Variants in DOT1L observed in about 807,000 individuals in gnomAD.
The protein encoded by DOT1L is DOT1 like histone lysine methyltransferase, also known as histone-lysine N-methyltransferase, H3 lysine-79 specific.
A neutral mutation model predicts 153.3 loss-of-function variants in DOT1L; 33 were observed. That is an observed-to-expected ratio of 0.22 (90% CI 0.16 to 0.29). The LOEUF (loss-of-function observed/expected upper bound fraction) is 0.29. Ranked by LOEUF, DOT1L falls within the 10% of genes least tolerant of loss-of-function variation. The pLI is 1.00. For synonymous variants in DOT1L, 1,135 were observed against 965.1 expected, an observed-to-expected ratio of 1.18 and a Z score of -3.26; for missense variants, 1,847 against 2,119.9, an observed-to-expected ratio of 0.87 and a Z score of 2.53.
chr19:2,197,436 C>A lies in DOT1L; in HGVS notation c.652-2448C>A, dbSNP rs375348302. On this transcript the variant is annotated intron_variant, in intron 7 of 27. Coordinates refer to ENST00000398665, the MANE Select transcript of DOT1L (RefSeq NM_032482.3). The surrounding 1 kb of genome is among the most constrained non-coding windows in gnomAD (Gnocchi z 4.1). ...AGGAGGGCGCCATGGTGCCTTCCTCCGCGCGGTCTGGCTGGGCTGAGCCTT... is the reference window on the plus strand; with the variant it reads ...AGGAGGGCGCCATGGTGCCTTCCTCAGCGCGGTCTGGCTGGGCTGAGCCTT... Among the ~76,000 whole-genome samples, 1 of 152,202 alleles carries A rather than the reference C, an allele frequency of 6.6e-6. No homozygotes were observed. The highest frequency in any genetic ancestry group is 1.9e-4 in the East Asian group (1 of 5,198).
rs773019943 is a variant in DOT1L at position 2,226,444 on chromosome 19, C to G, written c.3923C>G (p.Pro1308Arg). The G allele has an allele frequency of 8.2e-5, 132 of 1,601,524 alleles. No homozygotes were observed. The highest frequency in any genetic ancestry group is 1.1e-4 in the Non-Finnish European group (124 of 1,179,236). Residue 1308 changes from proline to arginine, a missense_variant, in exon 27 of 28, where the codon CCG becomes CGG. By Grantham distance (103) the Pro-to-Arg change is moderately radical. This residue lies in a region of DOT1L where 934 missense variants were observed against 825.3 expected (regional missense o/e 1.13). Coordinates refer to ENST00000398665, the MANE Select transcript of DOT1L (RefSeq NM_032482.3). ...CTGTCGGGGGCTGACGGACTCAGCC[C>G]GGGCACCAACCCTGCCAACGGCTGC... The part of the protein sequence containing the change: ...GSLSGADGLS[P>R]GTNPANGCTF...
chr19:2,195,639 A>G (rs985917944), intron 7 of DOT1L, among the ~76,000 whole-genome samples: 4 of 152,008 alleles, frequency 2.6e-5, no homozygotes, highest in Admixed American at 6.6e-5. Flanking sequence ...TTGAGTCCTG[A>G]GAAGCTTCCC....
chr19:2,209,039 A>C, intron 12 of DOT1L, 63 bp downstream of exon 12: 1 of 1,573,326 alleles, frequency 6.4e-7, no homozygotes, highest in Non-Finnish European at 8.7e-7. Flanking sequence ...GGGAAATGCA[A>C]AGCCGTGCGC....
At position 2,191,663 on chromosome 19, in the gene DOT1L, T is replaced by C. The variant is rs1193269961; in HGVS notation, c.493+423T>C. On this transcript the variant is annotated intron_variant, in intron 5 of 27. Transcript: ENST00000398665. The surrounding 1 kb of genome is among the most constrained non-coding windows in gnomAD (Gnocchi z 6.8). ...GCACACCTGCTCCCTCCACAGCGGC[T>C]GGAAAGGTCCCCCGCGGAGGAAGAC... is the stretch of plus-strand genomic sequence containing the variant. Among the ~76,000 whole-genome samples, 2 of 152,218 alleles carry C rather than the reference T, an allele frequency of 1.3e-5. No individual in the cohort carries two copies. Among genetic ancestry groups the C allele is most frequent in the African/African-American group, 4.8e-5 (2 of 41,548 alleles).
intron 1 of DOT1L, among the ~76,000 whole-genome samples, chr19:2,165,205 C>G (rs1387932369): frequency 6.6e-6 from 1 of 152,296 alleles, no homozygotes; most frequent in East Asian, 1.9e-4. Context: ...GCGCTGTCAG[C>G]GAGCGTGTCC....
At position 2,229,906 on chromosome 19, in the gene DOT1L, C is replaced by G; in HGVS notation, c.*114C>G. 1 of 1,586,528 alleles carries G rather than the reference C, an allele frequency of 6.3e-7. No homozygotes were observed. Among genetic ancestry groups the G allele is most frequent in the Non-Finnish European group, 8.6e-7 (1 of 1,161,546 alleles). On this transcript the variant is annotated 3_prime_UTR_variant, in exon 28 of 28. Coordinates refer to ENST00000398665, the MANE Select transcript of DOT1L (RefSeq NM_032482.3). ...CACCCCTGGACGGCAGAGGCAAGGA[C>G]GGACGGGAGCTCCACTGTGAATCGG...
chr19:2,184,289 C>T (rs897077588), intron 2 of DOT1L, among the ~76,000 whole-genome samples: 1 of 152,066 alleles, frequency 6.6e-6, no homozygotes, highest in Non-Finnish European at 1.5e-5. Context: ...GGTGTGCAGG[C>T]GTTGACCATG....
intron 2 of DOT1L, among the ~76,000 whole-genome samples, chr19:2,182,831 C>T (rs1420803565): frequency 1.3e-5 from 2 of 152,196 alleles, no homozygotes; most frequent in Admixed American, 6.5e-5. Flanking sequence ...TGCTCGCCTT[C>T]TGCAGGGCTC....
At chr19:2,205,433 C>T (rs2023454505) in intron 9 of DOT1L, among the ~76,000 whole-genome samples, 1 of 152,172 alleles carries the variant, frequency 6.6e-6, no homozygotes, top group African/African-American at 2.4e-5. Flanking sequence ...TAGCAGCAGC[C>T]TTGCAGGTGC....
chr19:2,183,721 G>A (rs889314859), intron 2 of DOT1L, among the ~76,000 whole-genome samples: 22 of 151,856 alleles, frequency 1.4e-4, no homozygotes, highest in Admixed American at 1.4e-3. Context: ...CCGTCTCCGG[G>A]GTTCAAGTGA....
intron 14 of DOT1L, 58 bp from the exon 15 acceptor site, chr19:2,211,041 C>T (rs1034631959): frequency 2.2e-4 from 344 of 1,548,042 alleles, no homozygotes; most frequent in Non-Finnish European, 2.9e-4. Context: ...ATGCTGACGC[C>T]TCTGCCCACC....
At chr19:2,221,906 G>A (rs1001766941) in intron 23 of DOT1L, 70 bp from the exon 24 acceptor site, 2 of 1,442,978 alleles carry the variant, frequency 1.4e-6, no homozygotes, top group Non-Finnish European at 1.9e-6. Context: ...CTAGGGGGTG[G>A]TGCTCCCACA....
chr19:2,191,718 G>A lies in DOT1L; in HGVS notation c.493+478G>A, dbSNP rs765417024. ...GGTCCCTGGGCTCCCGGAGGCCCTC[G>A]CGCCCTCCCTGCATCCCCAGTCTCC... On this transcript the variant is annotated intron_variant, in intron 5 of 27. Transcript: ENST00000398665. The surrounding 1 kb of genome is among the most constrained non-coding windows in gnomAD (Gnocchi z 6.8). Among the ~76,000 whole-genome samples, 3 of 151,762 alleles carry A rather than the reference G, an allele frequency of 2.0e-5. No individual in the cohort carries two copies. The highest frequency in any genetic ancestry group is 3.9e-4 in the East Asian group (2 of 5,132).
rs563972624 is a variant in DOT1L, at chr19:2,210,839, G to A, written c.1335G>A (p.Ala445=). 94 of 1,612,532 alleles carry A rather than the reference G, an allele frequency of 5.8e-5. No individual in the cohort carries two copies. Among genetic ancestry groups the A allele is most frequent in the South Asian group, 1.9e-4 (17 of 91,068 alleles). ...ACGCTCAGACCGTGTCTCAGACGGC[G>A]GCCTCCTCACCCCAGGGTGAGCCGC... ...ALHAQTVSQT[A]ASSPQDAYRS... The change falls in exon 14 of 28, where the codon GCG becomes GCA. Residue 445 remains alanine (A), a synonymous_variant. Transcript: ENST00000398665.
chr19:2,169,166 G>A (rs557509999), intron 1 of DOT1L, among the ~76,000 whole-genome samples: 18 of 152,236 alleles, frequency 1.2e-4, no homozygotes, highest in African/African-American at 4.3e-4. Flanking sequence ...GTGGGCGGCG[G>A]TGAGTGGGCA....
chr19:2,182,524 C>T (rs1225785151), intron 2 of DOT1L, among the ~76,000 whole-genome samples: 1 of 152,164 alleles, frequency 6.6e-6, no homozygotes. Context: ...GACCCTGTCT[C>T]AAGAAACAAA....
At chr19:2,202,895 C>T in intron 9 of DOT1L, 116 bp downstream of exon 9, 1 of 949,138 alleles carries the variant, frequency 1.1e-6, no homozygotes, top group South Asian at 1.4e-5. Flanking sequence ...CTTCAGTCCC[C>T]TTGGAGCCAG....
chr19:2,186,862 G>GT lies in DOT1L; in HGVS notation c.200+934dup, dbSNP rs766458113. Among the ~76,000 whole-genome samples, 374 of 152,330 alleles carry GT rather than the reference G, an allele frequency of 2.5e-3. 3 individuals are homozygous for GT. The highest frequency in any genetic ancestry group is 6.6e-3 in the African/African-American group (276 of 41,584). ...ACCCCCCCTCATTGGGCGTGATGGTGTGCTGGGCCCTTCCCTGGTTTAGTA... is the reference window on the plus strand; with the variant it reads ...ACCCCCCCTCATTGGGCGTGATGGTGTTGCTGGGCCCTTCCCTGGTTTAGTA... On this transcript the variant is annotated intron_variant, in intron 3 of 27. Coordinates refer to ENST00000398665, the MANE Select transcript of DOT1L (RefSeq NM_032482.3).
chr19:2,177,964 C>G (rs1265680791), intron 1 of DOT1L, among the ~76,000 whole-genome samples: 1 of 151,768 alleles, frequency 6.6e-6, no homozygotes, highest in Admixed American at 6.6e-5. Flanking sequence ...ACTCTGTATC[C>G]CAGGCTGGAG....
Sources: allele counts gnomAD v4.1 joint callset (sites outside exome capture counted in the v4.1 genomes callset), GRCh38; gene constraint gnomAD v4.1.1; regional missense constraint gnomAD v4.1.1; non-coding constraint Gnocchi (gnomAD v3.1); transcripts MANE v1.5; gene names NCBI Gene and HGNC (gene_info 2026-07-23, HGNC 2026-07-21).